The following APC2 variants were observed in gnomAD, a reference collection of about 807,000 sequenced individuals.
APC2 encodes adenomatous polyposis coli protein 2.
APC2 carries 41 observed loss-of-function variants against 72.5 expected under a neutral mutation model. The observed-to-expected ratio is 0.57, with a 90% confidence interval of 0.44 to 0.73. APC2 has a LOEUF of 0.73. Among genes scored for constraint, APC2 ranks in the 30% least tolerant of loss-of-function variants. The pLI is 0.00. For missense variants in APC2, 3,729 were observed against 3,403.4 expected (o/e 1.10, Z -2.38); for synonymous variants, 1,898 against 1,612.0 (o/e 1.18, Z -4.25).
intron 10 of APC2, 152 bp downstream of exon 10, chr19:1,458,212 CTCTCA>C: frequency 2.9e-6 from 2 of 698,794 alleles, no homozygotes; most frequent in South Asian, 3.5e-5. Flanking sequence ...CACATAGCAC[CTCTCA>C]TGAGTGGACC....
At position 1,460,233 on chromosome 19, in the gene APC2, G is replaced by A. The variant is rs767530432; in HGVS notation, c.1356G>A (p.Lys452=). The A allele has an allele frequency of 2.5e-6, 4 of 1,613,586 alleles. No homozygotes were observed. Among genetic ancestry groups the A allele is most frequent in the South Asian group, 1.1e-5 (1 of 91,088 alleles). ...TGCAGGTTGACTATGAGATGCACAA[G>A]ATGACCCGGGACCCGCTGAACCTGG... ...ELLQVDYEMH[K]MTRDPLNLAL... Residue 452 remains lysine (K), a synonymous_variant, in exon 11 of 15, where the codon AAG becomes AAA. Transcript: ENST00000590469.
rs2145213663 is a variant in APC2 at position 1,461,262 on chromosome 19, C to T, written c.1638+109C>T. Reference sequence around the variant, plus strand: ...GGAGGAAATCAAGTTGAACAGCTCACTGCTTAGCGGGTGGTCCAGCCTCAG... The same window carrying T: ...GGAGGAAATCAAGTTGAACAGCTCATTGCTTAGCGGGTGGTCCAGCCTCAG... On this transcript the variant is annotated intron_variant, in intron 13 of 14. Coordinates refer to ENST00000590469, the MANE Select transcript of APC2 (RefSeq NM_005883.3). 15 of 951,004 alleles carry T rather than the reference C, an allele frequency of 1.6e-5. 1 individual carries two copies. In the South Asian group the frequency reaches 2.1e-4, roughly 13 times the overall value. The allele number at this position is 951,004 out of a possible 1,614,324, so 58.9% of individuals were successfully genotyped here. A position where few individuals can be genotyped will look rare whatever the true frequency, so the allele number is the denominator to read the frequency against.
upstream of APC2, chr19:1,450,088 C>A: frequency 2.1e-6 from 2 of 963,132 alleles, no homozygotes; most frequent in Non-Finnish European, 2.5e-6. Context: ...GGCTGTCTCA[C>A]CCGCATCCCT....
intron 9 of APC2, 123 bp from the exon 10 acceptor site, chr19:1,457,842 T>C (rs1674019744): frequency 1.1e-5 from 9 of 786,792 alleles, no homozygotes; most frequent in African/African-American, 1.9e-5. Context: ...GTCCCAACTT[T>C]GCAGCCATTT....
Position 1,472,596 on chromosome 19 carries a change from A to ACCCCCACC in APC2, c.*2386_*2393dup, listed in dbSNP as rs2084153405. The ACCCCCACC allele has an allele frequency of 1.6e-5, 1 of 60,792 alleles. No homozygotes were observed. Among genetic ancestry groups the ACCCCCACC allele is most frequent in the African/African-American group, 6.2e-5 (1 of 16,186 alleles). 3.8% of individuals were successfully genotyped at this position (60,792 alleles called of 1,614,324 possible). On this transcript the variant is annotated 3_prime_UTR_variant, in exon 15 of 15. Coordinates refer to ENST00000590469, the MANE Select transcript of APC2 (RefSeq NM_005883.3). ...AACATGGCTGCCAGCCCCGCCTCCC[A>ACCCCCACC]CCCCCACCCCGAGTCCTGAGCTCAC... is the stretch of plus-strand genomic sequence containing the variant.
Position 1,469,789 on chromosome 19 carries a change from C to G in APC2, c.6488C>G (p.Pro2163Arg). The G allele has an allele frequency of 6.6e-7, 1 of 1,520,502 alleles. No homozygotes were observed. The highest frequency in any genetic ancestry group is 1.2e-5 in the South Asian group (1 of 83,228). The allele number at this position is 1,520,502 out of a possible 1,614,324, so 94.2% of individuals were successfully genotyped here. The stretch of plus-strand genomic sequence containing the variant: ...CCCCACATCCTGCGCAGCACGCTTC[C>G]CGCCACGGCCCTGCCACTGCGGGGC... ...DVPHILRSTL[P>R]ATALPLRGST... The change falls in exon 15 of 15, where the codon CCC (proline) becomes CGC (arginine). Residue 2163 changes from proline to arginine, a missense_variant. Transcript: ENST00000590469.
chr19:1,460,518 G>C (rs1422387394), intron 11 of APC2, among the ~76,000 whole-genome samples, 198 bp downstream of exon 11: 1 of 152,260 alleles, frequency 6.6e-6, no homozygotes, highest in African/African-American at 2.4e-5. Flanking sequence ...CCACCTGGCG[G>C]TGTCCTCACG....
In APC2 at chr19:1,467,816, C is replaced by T. The variant is rs907757699; in HGVS notation, c.4515C>T (p.Ala1505=). The T allele has an allele frequency of 6.7e-7, 1 of 1,503,342 alleles. No homozygotes were observed. The allele number at this position is 1,503,342 out of a possible 1,614,324, so 93.1% of individuals were successfully genotyped here. The part of the protein sequence containing the change: ...SLCLTTPTEE[A]VYCFYGNDSD... ...GCCTCACGACGCCCACTGAGGAGGC[C>T]GTGTACTGCTTCTACGGCAACGACT... Residue 1505 remains alanine (A), a synonymous_variant, in exon 15 of 15, where the codon GCC becomes GCT. Transcript: ENST00000590469.
Position 1,467,378 on chromosome 19 carries a change from C to T in APC2, c.4077C>T (p.Ala1359=). The change falls in exon 15 of 15, where the codon GCC becomes GCT. Residue 1359 remains alanine (A), a synonymous_variant. Transcript: ENST00000590469. ...TGCCTGCCCGGCTGCGCAAGGTGGC[C>T]TCCGCGCTGGTGCCAGGTCGCCGCG... The part of the protein sequence containing the change: ...AAVPARLRKV[A]SALVPGRRAL... 1 of 1,485,820 alleles carries T rather than the reference C, an allele frequency of 6.7e-7. No individual in the cohort carries two copies. The highest frequency in any genetic ancestry group is 8.9e-7 in the Non-Finnish European group (1 of 1,123,932). The allele number at this position is 1,485,820 out of a possible 1,614,324, so 92.0% of individuals were successfully genotyped here.
chr19:1,459,166 C>A (rs1247324413), intron 10 of APC2, among the ~76,000 whole-genome samples: 5 of 152,182 alleles, frequency 3.3e-5, no homozygotes, highest in African/African-American at 1.2e-4. Flanking sequence ...AGCGTGACAT[C>A]CTCAAGGTGC....
chr19:1,465,494 C>A lies in APC2; in HGVS notation c.2193C>A (p.Asp731Glu), dbSNP rs778264998. ...AGCGGGCGCTGGAGGCCGAGCTGGACGCACGGCACCTCGCGCAGGCGCTGG... is the reference window on the plus strand; with the variant it reads ...AGCGGGCGCTGGAGGCCGAGCTGGAAGCACGGCACCTCGCGCAGGCGCTGG... ...RKQRALEAEL[D>E]ARHLAQALEH... The change falls in exon 15 of 15, where the codon GAC becomes GAA. Residue 731 changes from aspartate to glutamate, a missense_variant. By Grantham distance (45) the Asp-to-Glu change is conservative. Coordinates refer to ENST00000590469, the MANE Select transcript of APC2 (RefSeq NM_005883.3). The A allele has an allele frequency of 6.6e-7, 1 of 1,525,552 alleles. No individual in the cohort carries two copies. Among genetic ancestry groups the A allele is most frequent in the South Asian group, 1.2e-5 (1 of 82,676 alleles). 94.5% of individuals were successfully genotyped at this position (1,525,552 alleles called of 1,614,324 possible).
At chr19:1,461,745 C>A (rs775529621) in intron 13 of APC2, 7 of 547,118 alleles carry the variant, frequency 1.3e-5, no homozygotes, top group African/African-American at 4.0e-5. Flanking sequence ...CCAGCTACTC[C>A]GGAGGCTGAG....
At position 1,469,469 on chromosome 19, in the gene APC2, G is replaced by A; in HGVS notation, c.6168G>A (p.Pro2056=). The stretch of plus-strand genomic sequence containing the variant: ...CGGCACCCCGGCAGGGCCCGGCCCC[G>A]GCCCGGCAGCGGCCCCCCGCGGCCC... ...LRAAPRQGPA[P]ARQRPPAARP... The change falls in exon 15 of 15, where the codon CCG becomes CCA. Residue 2056 remains proline, a synonymous_variant. Coordinates refer to ENST00000590469, the MANE Select transcript of APC2 (RefSeq NM_005883.3). 8.9e-7 allele frequency: 1 copy of A among 1,123,048 alleles called. No homozygotes were observed. Among genetic ancestry groups the A allele is most frequent in the Non-Finnish European group, 1.1e-6 (1 of 922,116 alleles). The allele number at this position is 1,123,048 out of a possible 1,614,324, so 69.6% of individuals were successfully genotyped here.
Position 1,456,917 on chromosome 19 carries a change from C to G in APC2, c.881C>G (p.Thr294Arg). ...ATRDQEDTAR[T>R]LLAMSSSPES... is the part of the protein sequence containing the mutation. Reference sequence around the variant, plus strand: ...CGCGACCAGGAGGATACAGCGCGCACGCTGCTGGCCATGTCCAGCTCGCCC... The same window carrying G: ...CGCGACCAGGAGGATACAGCGCGCAGGCTGCTGGCCATGTCCAGCTCGCCC... Residue 294 changes from threonine (T) to arginine (R), a missense_variant, in exon 9 of 15, where the codon ACG becomes AGG. Coordinates refer to ENST00000590469, the MANE Select transcript of APC2 (RefSeq NM_005883.3). 1 of 1,574,320 alleles carries G rather than the reference C, an allele frequency of 6.4e-7. No homozygotes were observed. The highest frequency in any genetic ancestry group is 1.1e-5 in the South Asian group (1 of 87,370).
At chr19:1,447,712 G>T (rs2083699944), upstream of APC2, among the ~76,000 whole-genome samples, 1 of 152,142 alleles carries the variant, frequency 6.6e-6, no homozygotes, top group African/African-American at 2.4e-5. Flanking sequence ...GGGGCCAAGG[G>T]CATCTTGTCT....
Position 1,468,513 on chromosome 19 carries a change from G to C in APC2, c.5212G>C (p.Gly1738Arg). The C allele has an allele frequency of 6.2e-7, 1 of 1,603,526 alleles. No homozygotes were observed. The highest frequency in any genetic ancestry group is 1.1e-5 in the South Asian group (1 of 90,466). The change falls in exon 15 of 15, where the codon GGA becomes CGA. Residue 1738 changes from glycine to arginine, a missense_variant. Gly to Arg is a moderately radical substitution (Grantham distance 125). Transcript: ENST00000590469. ...STLQPPKHRK[G>R]RQAEGEMGSA... Reference sequence around the variant, plus strand: ...CCTACAGCCCCCCAAGCACAGGAAGGGACGACAGGCGGAGGGAGAAATGGG... The same window carrying C: ...CCTACAGCCCCCCAAGCACAGGAAGCGACGACAGGCGGAGGGAGAAATGGG...
chr19:1,456,290 G>C lies in APC2; in HGVS notation c.718-16G>C, dbSNP rs201078362. On this transcript the variant is annotated splice_polypyrimidine_tract_variant and intron_variant, in intron 7 of 14. Transcript: ENST00000590469. Reference sequence around the variant, plus strand: ...GCTCTGGGACTGTACCCCCGACCCTGGTGCTCTCCCTGCAGGCCTTGCTGG... The same window carrying C: ...GCTCTGGGACTGTACCCCCGACCCTCGTGCTCTCCCTGCAGGCCTTGCTGG... 9 of 1,601,048 alleles carry C rather than the reference G, an allele frequency of 5.6e-6. No homozygotes were observed. Among genetic ancestry groups the C allele is most frequent in the East Asian group, 2.3e-5 (1 of 44,168 alleles).
At position 1,461,078 on chromosome 19, in the gene APC2, C is replaced by T. The variant is rs373064034; in HGVS notation, c.1563C>T (p.Asp521=). 395 of 1,613,726 alleles carry T rather than the reference C, an allele frequency of 2.4e-4. No homozygotes were observed. The highest frequency in any genetic ancestry group is 3.2e-4 in the Non-Finnish European group (379 of 1,180,042). The part of the protein sequence containing the change: ...SILRNLSWRA[D]INSKKVLREA... ...TTCGGAACTTGTCCTGGAGGGCCGA[C>T]ATCAACAGCAAGAAGGTGCTGAGGG... The change falls in exon 13 of 15, where the codon GAC becomes GAT. Residue 521 remains aspartate (D), a synonymous_variant. Coordinates refer to ENST00000590469, the MANE Select transcript of APC2 (RefSeq NM_005883.3).
In APC2 at chr19:1,470,796, G is replaced by A. The variant is rs1318680536; in HGVS notation, c.*583G>A. The A allele has an allele frequency of 2.0e-5, 3 of 152,322 alleles. No homozygotes were observed. Among genetic ancestry groups the A allele is most frequent in the African/African-American group, 4.8e-5 (2 of 41,460 alleles). 9.4% of individuals were successfully genotyped at this position (152,322 alleles called of 1,614,324 possible). ...CCCCAGCTGTGGGAGTGCGGGTGGG[G>A]GTGTGGCCGAGCCCCGGCAGGAAGC... On this transcript the variant is annotated 3_prime_UTR_variant, in exon 15 of 15. Transcript: ENST00000590469.
Sources: allele counts gnomAD v4.1 joint callset (sites outside exome capture counted in the v4.1 genomes callset), GRCh38; gene constraint gnomAD v4.1.1; transcripts MANE v1.5; gene names NCBI Gene and HGNC (gene_info 2026-07-23, HGNC 2026-07-21).